NIPAL3: variants seen among roughly 807,000 people sequenced by gnomAD.
NIPAL3 encodes NIPA like domain containing 3, also known as NIPA-like protein 3.
A neutral mutation model predicts 47.2 loss-of-function variants in NIPAL3; 41 were observed. The observed-to-expected ratio is 0.87, with a 90% CI of 0.68 to 1.13. NIPAL3 has a LOEUF of 1.13. Ranked by LOEUF, NIPAL3 falls within the 50% of genes most tolerant of loss-of-function variation. NIPAL3 has a pLI of 0.00. For synonymous variants in NIPAL3, 194 were observed against 209.6 expected (o/e 0.93, Z 0.64); for missense variants, 449 against 530.1 (o/e 0.85, Z 1.50).
intron 9 of NIPAL3, among the ~76,000 whole-genome samples, chr1:24,459,686 G>A (rs540306159): frequency 6.5e-4 from 99 of 152,330 alleles, no homozygotes; most frequent in Middle Eastern, 3.4e-3. Flanking sequence ...AACACACGAG[G>A]CGCACAGCTT....
chr1:24,445,441 G>C (rs761107890), intron 5 of NIPAL3, among the ~76,000 whole-genome samples, 197 bp downstream of exon 5: 1 of 152,072 alleles, frequency 6.6e-6, no homozygotes, highest in African/African-American at 2.4e-5. Context: ...CAGAATCATC[G>C]GTGAGGCTTT....
intron 2 of NIPAL3, 124 bp downstream of exon 2, chr1:24,419,764 T>A (rs1209922459): frequency 2.4e-6 from 2 of 821,464 alleles, no homozygotes; most frequent in East Asian, 5.5e-5. Flanking sequence ...ACAGGCAGGC[T>A]CTTCACACAG....
At position 24,468,884 on chromosome 1, in the gene NIPAL3, G is replaced by C. The variant is rs1027255734; in HGVS notation, c.1022-102G>C. The stretch of plus-strand genomic sequence containing the variant: ...AGGAAATTGACAATGCACATGATTA[G>C]CTGCTGAGCACTATAATTAGTCTGT... On this transcript the variant is annotated intron_variant, in intron 11 of 11. Coordinates refer to ENST00000374399, the MANE Select transcript of NIPAL3 (RefSeq NM_020448.5). 19 of 1,030,558 alleles carry C rather than the reference G, an allele frequency of 1.8e-5. No individual in the cohort carries two copies. The African/African-American group carries it at 2.7e-4, about 15-fold the overall frequency. 63.8% of individuals were successfully genotyped at this position (1,030,558 alleles called of 1,614,324 possible). A position where few individuals can be genotyped will look rare whatever the true frequency, so the allele number is the denominator to read the frequency against.
At chr1:24,413,723 T>G (rs1382251692), upstream of NIPAL3, 1 of 152,252 alleles carries the variant, frequency 6.6e-6, no homozygotes, top group Admixed American at 6.5e-5. Context: ...TCCCGGTCGC[T>G]ATGGCACCCA....
chr1:24,439,490 G>T (rs547959215), intron 2 of NIPAL3, among the ~76,000 whole-genome samples: 1 of 152,046 alleles, frequency 6.6e-6, no homozygotes, highest in Non-Finnish European at 1.5e-5. Context: ...CATTATCTCT[G>T]GGTTATAGAA....
chr1:24,422,651 AC>A (rs1381678219), intron 2 of NIPAL3, among the ~76,000 whole-genome samples: 1 of 152,148 alleles, frequency 6.6e-6, no homozygotes, highest in Non-Finnish European at 1.5e-5. Flanking sequence ...GAATTTCTGG[AC>A]CACATGATCT....
At position 24,434,018 on chromosome 1, in the gene NIPAL3, AG is replaced by A. The variant is rs539314826; in HGVS notation, c.94-6151del. Among the ~76,000 whole-genome samples, 91 of 152,292 alleles carry A rather than the reference AG, an allele frequency of 6.0e-4. 1 individual carries two copies. The highest frequency in any genetic ancestry group is 6.8e-3 in the Middle Eastern group (2 of 294). ...AAAACATATCTATTTACCACAAAAG[AG>A]GGCAGTAATGGAGGAATTGAGGAAA... On this transcript the variant is annotated intron_variant, in intron 2 of 11. Coordinates refer to ENST00000374399, the MANE Select transcript of NIPAL3 (RefSeq NM_020448.5).
At position 24,469,608 on chromosome 1, in the gene NIPAL3, C is replaced by T. The variant is rs376770704; in HGVS notation, c.*423C>T. Reference sequence around the variant, plus strand: ...CTCTAAATCTCGTCTTCCTCCACCTCATGTGCATGCCTGATCTCACCCTGA... The same window carrying T: ...CTCTAAATCTCGTCTTCCTCCACCTTATGTGCATGCCTGATCTCACCCTGA... On this transcript the variant is annotated 3_prime_UTR_variant, in exon 12 of 12. Coordinates refer to ENST00000374399, the MANE Select transcript of NIPAL3 (RefSeq NM_020448.5). The T allele has an allele frequency of 5.9e-6, 1 of 169,630 alleles. No individual in the cohort carries two copies. Among genetic ancestry groups the T allele is most frequent in the East Asian group, 1.6e-4 (1 of 6,426 alleles). The allele number at this position is 169,630 out of a possible 1,614,324, so 10.5% of individuals were successfully genotyped here.
chr1:24,467,182 G>A (rs191378778), intron 11 of NIPAL3, among the ~76,000 whole-genome samples: 4 of 152,250 alleles, frequency 2.6e-5, no homozygotes, highest in African/African-American at 9.6e-5. Flanking sequence ...ATGGACTTCC[G>A]GCCAGGCACG....
Position 24,464,011 on chromosome 1 carries a change from A to G in NIPAL3, c.927-15A>G. The G allele has an allele frequency of 6.2e-7, 1 of 1,605,932 alleles. No homozygotes were observed. Among genetic ancestry groups the G allele is most frequent in the Admixed American group, 1.7e-5 (1 of 59,586 alleles). On this transcript the variant is annotated splice_polypyrimidine_tract_variant and intron_variant, in intron 10 of 11. Transcript: ENST00000374399. ...CTGGCCTTATTTCTCTTCCTATCTTATCTCCATTCCGCAGGTGCCTCATTG... is the reference window on the plus strand; with the variant it reads ...CTGGCCTTATTTCTCTTCCTATCTTGTCTCCATTCCGCAGGTGCCTCATTG...
intron 11 of NIPAL3, chr1:24,466,102 C>T: frequency 6.2e-7 from 1 of 1,608,104 alleles, no homozygotes; most frequent in Non-Finnish European, 8.5e-7. Flanking sequence ...AATTCAAGCA[C>T]CTGAAAGACT....
In NIPAL3 at chr1:24,442,210, C is replaced by T. The variant is rs149902560; in HGVS notation, c.318C>T (p.Ser106=). ...CGCTGTCACTCATCGTGCCCCTCAG[C>T]GCAGTTTCTGTGATAGGTAAGACCA... ...FAPLSLIVPL[S]AVSVIASAII... The change falls in exon 4 of 12, where the codon AGC becomes AGT. Residue 106 remains serine, a synonymous_variant. Coordinates refer to ENST00000374399, the MANE Select transcript of NIPAL3 (RefSeq NM_020448.5). The T allele has an allele frequency of 4.6e-5, 75 of 1,613,954 alleles. No individual in the cohort carries two copies. The highest frequency in any genetic ancestry group is 4.5e-4 in the East Asian group (20 of 44,882).
In NIPAL3 at chr1:24,470,468, C is replaced by T. The variant is rs952300686; in HGVS notation, c.*1283C>T. On this transcript the variant is annotated 3_prime_UTR_variant, in exon 12 of 12. Transcript: ENST00000374399. Reference sequence around the variant, plus strand: ...AGTGATTCTGATGCGATGCTTCAATCCCGAGATTTCACATCTGGAAAGCCT... The same window carrying T: ...AGTGATTCTGATGCGATGCTTCAATTCCGAGATTTCACATCTGGAAAGCCT... 1 of 152,194 alleles carries T rather than the reference C, an allele frequency of 6.6e-6. No individual in the cohort carries two copies. Among genetic ancestry groups the T allele is most frequent in the Non-Finnish European group, 1.5e-5 (1 of 68,040 alleles). The allele number at this position is 152,194 out of a possible 1,614,324, so 9.4% of individuals were successfully genotyped here.
chr1:24,418,712 T>G (rs1644174382), intron 1 of NIPAL3, among the ~76,000 whole-genome samples: 1 of 152,146 alleles, frequency 6.6e-6, no homozygotes, highest in Non-Finnish European at 1.5e-5. Context: ...TTACCCCCAC[T>G]TTACAGAGGA....
chr1:24,445,005 C>T (rs1031435112), intron 4 of NIPAL3, among the ~76,000 whole-genome samples, 180 bp from the exon 5 acceptor site: 3 of 152,176 alleles, frequency 2.0e-5, no homozygotes, highest in Non-Finnish European at 4.4e-5. Context: ...AGGAAGGCTC[C>T]TCTCTGAGCC....
intron 9 of NIPAL3, 120 bp from the exon 10 acceptor site, chr1:24,460,361 C>A: frequency 2.6e-6 from 2 of 775,596 alleles, no homozygotes; most frequent in Non-Finnish European, 4.1e-6. Flanking sequence ...AAGGCACAGT[C>A]ATAAGTTTTG....
chr1:24,428,251 A>AG (rs1644693733), intron 2 of NIPAL3, among the ~76,000 whole-genome samples: 6 of 129,984 alleles, frequency 4.6e-5, no homozygotes, highest in Non-Finnish European at 6.5e-5. Context: ...ACCCTGTCTC[A>AG]AAAAGAAAGA....
chr1:24,450,721 C>G (rs1158333245), intron 6 of NIPAL3, among the ~76,000 whole-genome samples: 2 of 152,166 alleles, frequency 1.3e-5, no homozygotes, highest in African/African-American at 4.8e-5. Context: ...GATTTGAAGG[C>G]CGGGCCCACC....
At chr1:24,438,145 A>G (rs529742526) in intron 2 of NIPAL3, among the ~76,000 whole-genome samples, 1 of 152,144 alleles carries the variant, frequency 6.6e-6, no homozygotes, top group East Asian at 1.9e-4. Context: ...AGCTGGGGAA[A>G]CCCTGGCTGG....
Sources: allele counts gnomAD v4.1 joint callset (sites outside exome capture counted in the v4.1 genomes callset), GRCh38; gene constraint gnomAD v4.1.1; transcripts MANE v1.5; gene names NCBI Gene and HGNC (gene_info 2026-07-23, HGNC 2026-07-21).